Variants in CRYBA4 observed in about 807,000 individuals in gnomAD.
CRYBA4 encodes crystallin beta A4, also known as beta-crystallin A4.
Under a neutral mutation model 31.7 loss-of-function variants are expected in CRYBA4, and 30 were observed. The observed-to-expected ratio is 0.95, with a 90% CI of 0.71 to 1.28. CRYBA4 has a LOEUF of 1.28. Among genes scored for constraint, CRYBA4 ranks in the 50% most tolerant of loss-of-function variants. The pLI is 0.00. For missense variants in CRYBA4, 225 were observed against 260.7 expected, an observed-to-expected ratio of 0.86 and a Z score of 0.94; for synonymous variants, 102 against 102.3, an observed-to-expected ratio of 1.00 and a Z score of 0.02.
At chr22:26,612,650 G>A in the CRYBA4 span, among the ~76,000 whole-genome samples, 5 of 152,180 alleles carry the variant, frequency 3.3e-5, no homozygotes, top group Non-Finnish European at 5.9e-5. Flanking sequence ...ATTGCACCTG[G>A]CCTCATGCCC....
At chr22:26,603,558 C>A in the CRYBA4 span, among the ~76,000 whole-genome samples, 1 of 151,440 alleles carries the variant, frequency 6.6e-6, no homozygotes, top group Non-Finnish European at 1.5e-5. Context: ...AATGGGGTTA[C>A]TATTGCTTCG....
chr22:26,611,894 A>G, the CRYBA4 span, among the ~76,000 whole-genome samples: 1 of 152,320 alleles, frequency 6.6e-6, no homozygotes, highest in South Asian at 2.1e-4. Flanking sequence ...CCTCATCCGT[A>G]AAATGAGATT....
the CRYBA4 span, among the ~76,000 whole-genome samples, chr22:26,612,866 C>A: frequency 1.3e-5 from 2 of 152,208 alleles, no homozygotes; most frequent in African/African-American, 4.8e-5. Context: ...TCCAGGAAGC[C>A]TTCTCTGATT....
the CRYBA4 span, chr22:26,616,080 G>C: frequency 3.1e-6 from 4 of 1,308,444 alleles, no homozygotes; most frequent in Non-Finnish European, 4.4e-6. Context: ...AGAAGAAGGA[G>C]GAGGAGGGAA....
chr22:26,612,367 G>GT, the CRYBA4 span, among the ~76,000 whole-genome samples: 4 of 152,072 alleles, frequency 2.6e-5, no homozygotes, highest in African/African-American at 9.7e-5. Context: ...TTTGTTTTTT[G>GT]TTTGTTTGTT....
the CRYBA4 span, among the ~76,000 whole-genome samples, chr22:26,595,479 T>G: frequency 9.9e-5 from 15 of 151,186 alleles, no homozygotes; most frequent in African/African-American, 3.2e-4. Flanking sequence ...CTCGGGAGGC[T>G]GAGGCAGGAA....
At chr22:26,617,466 TGCCCCCTGTTCACCAGG>T (rs1205229305), upstream of CRYBA4, among the ~76,000 whole-genome samples, 1 of 152,146 alleles carries the variant, frequency 6.6e-6, no homozygotes, top group East Asian at 1.9e-4. Flanking sequence ...TATTCTGGGG[TGCCCCCTGTTCACCAGG>T]GGTGAGGCCA....
chr22:26,599,992 A>G, the CRYBA4 span, among the ~76,000 whole-genome samples: 1 of 152,248 alleles, frequency 6.6e-6, no homozygotes, highest in African/African-American at 2.4e-5. Flanking sequence ...ATGAATACAC[A>G]TCCCATTAAA....
chr22:26,605,544 C>CACACCTAT, the CRYBA4 span, among the ~76,000 whole-genome samples: 5 of 151,874 alleles, frequency 3.3e-5, no homozygotes, highest in African/African-American at 1.2e-4. Flanking sequence ...CGTGGCGGTG[C>CACACCTAT]ACACCTATAA....
chr22:26,607,813 C>A, the CRYBA4 span: 3 of 1,604,908 alleles, frequency 1.9e-6, no homozygotes, highest in East Asian at 6.7e-5. Context: ...TCCTTCTTGC[C>A]CTTGTCAGAT....
At chr22:26,595,711 A>G in the CRYBA4 span, among the ~76,000 whole-genome samples, 1,069 of 152,286 alleles carry the variant, frequency 7.0e-3, 12 homozygotes, top group African/African-American at 0.025. Context: ...CCTGGGCTCA[A>G]GTGATCCTCC....
chr22:26,616,432 C>T, the CRYBA4 span: 46 of 822,484 alleles, frequency 5.6e-5, no homozygotes, highest in South Asian at 4.3e-4. Flanking sequence ...CCTTGGAGCT[C>T]GTTTCCTCTC....
the CRYBA4 span, among the ~76,000 whole-genome samples, chr22:26,598,130 G>A: frequency 6.6e-6 from 1 of 151,772 alleles, no homozygotes; most frequent in Non-Finnish European, 1.5e-5. Context: ...TGATCTGCCT[G>A]CCTCGGCCTC....
At chr22:26,614,190 C>T in the CRYBA4 span, among the ~76,000 whole-genome samples, 2 of 152,184 alleles carry the variant, frequency 1.3e-5, no homozygotes, top group African/African-American at 2.4e-5. Flanking sequence ...TCCACTTGCC[C>T]TGTGATATTC....
the CRYBA4 span, chr22:26,599,264 T>G: frequency 1.7e-6 from 1 of 572,574 alleles, no homozygotes; most frequent in Non-Finnish European, 3.1e-6. Flanking sequence ...TAGACTCACA[T>G]AACAGGCAGA....
upstream of CRYBA4, among the ~76,000 whole-genome samples, chr22:26,617,071 G>T (rs1417976348): frequency 6.6e-6 from 1 of 152,176 alleles, no homozygotes; most frequent in Non-Finnish European, 1.5e-5. Flanking sequence ...TCCTCTGAGG[G>T]GTTGGTGTAT....
chr22:26,607,825 T>C, the CRYBA4 span: 1 of 1,611,590 alleles, frequency 6.2e-7, no homozygotes, highest in Admixed American at 1.7e-5. Context: ...TTGTCAGATC[T>C]CAGACTTACA....
intron 3 of CRYBA4, among the ~76,000 whole-genome samples, chr22:26,624,981 G>A (rs183363364): frequency 6.6e-6 from 1 of 152,304 alleles, no homozygotes; most frequent in African/African-American, 2.4e-5. Context: ...ATGAGAGATG[G>A]CCATGCGGTC....
rs115442700 is a variant in CRYBA4, at chr22:26,622,545, G to A, written c.-12-40G>A. 3,281 of 1,566,956 alleles carry A rather than the reference G, an allele frequency of 2.1e-3. 64 individuals are homozygous for A. In the African/African-American group the frequency reaches 0.04, roughly 19 times the overall value. ...CCATCTGCATAAAGAGGAGAGCAGA[G>A]GGTCAGGGTGGAAGATTATAATGTT... On this transcript the variant is annotated intron_variant, in intron 1 of 5. Coordinates refer to ENST00000354760, the MANE Select transcript of CRYBA4 (RefSeq NM_001886.3).
Sources: allele counts gnomAD v4.1 joint callset (sites outside exome capture counted in the v4.1 genomes callset), GRCh38; gene constraint gnomAD v4.1.1; transcripts MANE v1.5; gene names NCBI Gene and HGNC (gene_info 2026-07-23, HGNC 2026-07-21).